Variants in NEURL1B observed in about 807,000 individuals in gnomAD.
NEURL1B encodes neuralized E3 ubiquitin protein ligase 1B, also known as E3 ubiquitin-protein ligase NEURL1B.
In NEURL1B, 13 loss-of-function variants were observed where a neutral mutation model predicts 37.4. The ratio of observed to expected loss-of-function variants is 0.35; its 90% CI spans 0.23 to 0.55. NEURL1B has a LOEUF of 0.55. Ranked by LOEUF, NEURL1B falls within the 20% of genes least tolerant of loss-of-function variation. The pLI is 0.89. For missense variants in NEURL1B, 790 were observed against 879.2 expected (o/e 0.90, Z 1.28); for synonymous variants, 432 against 426.6 (o/e 1.01, Z -0.16).
At chr5:172,679,422 C>T (rs773951162) in intron 2 of NEURL1B, among the ~76,000 whole-genome samples, 3 of 152,202 alleles carry the variant, frequency 2.0e-5, no homozygotes, top group African/African-American at 4.8e-5. Context: ...TTTCAGCCAC[C>T]GGTAGAAGCT....
chr5:172,666,158 T>C (rs1237306253), intron 1 of NEURL1B, among the ~76,000 whole-genome samples: 1 of 150,070 alleles, frequency 6.7e-6, no homozygotes, highest in Non-Finnish European at 1.5e-5. Flanking sequence ...GAGACTATGG[T>C]AAAATGGTAA....
intron 1 of NEURL1B, among the ~76,000 whole-genome samples, chr5:172,667,646 A>G (rs577033750): frequency 3.9e-5 from 6 of 152,088 alleles, no homozygotes; most frequent in African/African-American, 9.6e-5. Context: ...CCTACCCCCA[A>G]TAGGAGCCAT....
At chr5:172,684,236 G>GGCGCT (rs1758436294) in intron 3 of NEURL1B, 98 bp downstream of exon 3, 1 of 1,026,544 alleles carries the variant, frequency 9.7e-7, no homozygotes, top group Admixed American at 4.7e-5. Context: ...CCTCTCGCTA[G>GGCGCT]GCGCTGCACC....
intron 1 of NEURL1B, among the ~76,000 whole-genome samples, chr5:172,651,820 A>T (rs1053722922): frequency 6.6e-6 from 1 of 152,228 alleles, no homozygotes; most frequent in African/African-American, 2.4e-5. Flanking sequence ...GGTATTCCCC[A>T]TGGGACTCCA....
At chr5:172,659,512 CAA>C (rs1757856291) in intron 1 of NEURL1B, among the ~76,000 whole-genome samples, 2 of 152,192 alleles carry the variant, frequency 1.3e-5, no homozygotes, top group South Asian at 4.1e-4. Flanking sequence ...AAGAGACATT[CAA>C]AACCTGGACT....
rs893986735 is a variant in NEURL1B at position 172,686,448 on chromosome 5, G to A, written c.1423+152G>A. On this transcript the variant is annotated intron_variant, in intron 4 of 4. Transcript: ENST00000369800. This position sits in a 1 kb window ranked among gnomAD's most constrained non-coding sequence, Gnocchi z 7.9. ...GCTGTATGCTCAGCTGGAGGGAGGAGAAGTGTCTAGATAGGGCATTCCAAA... is the reference window on the plus strand; with the variant it reads ...GCTGTATGCTCAGCTGGAGGGAGGAAAAGTGTCTAGATAGGGCATTCCAAA... 2.6e-5 allele frequency among the ~76,000 whole-genome samples: 4 copies of A among 152,240 alleles called. No homozygotes were observed. The highest frequency in any genetic ancestry group is 5.9e-5 in the Non-Finnish European group (4 of 68,048).
Position 172,641,271 on chromosome 5 carries a change from A to C in NEURL1B, c.-136A>C. On this transcript the variant is annotated 5_prime_UTR_variant, in exon 1 of 5. Transcript: ENST00000369800. This position sits in a 1 kb window ranked among gnomAD's most constrained non-coding sequence, Gnocchi z 6.4. ...CCGCCTCCCTCCCGGCTCCCGCCCC[A>C]GCTGCCGCCCGCCGGCTCGCCCGTG... The C allele has an allele frequency of 1.3e-6, 1 of 747,144 alleles. No homozygotes were observed. Among genetic ancestry groups the C allele is most frequent in the Non-Finnish European group, 1.8e-6 (1 of 563,750 alleles). The allele number at this position is 747,144 out of a possible 1,614,324, so 46.3% of individuals were successfully genotyped here.
Position 172,669,941 on chromosome 5 carries a change from A to G in NEURL1B, c.188A>G (p.Asn63Ser). The change falls in exon 2 of 5, where the codon AAC (asparagine) becomes AGC (serine). Residue 63 changes from asparagine (N) to serine (S), a missense_variant. Physicochemically the swap from Asn to Ser is conservative, Grantham distance 46. Around this residue, in one of 3 missense-constraint regions of NEURL1B, gnomAD observed 215 missense variants for 309.2 expected, o/e 0.70. Transcript: ENST00000369800. ...DGHSRRATRR[N>S]SFCNGVTFTQ... ...CACTCGCGCCGGGCCACACGGCGCAACAGCTTCTGCAATGGCGTCACGTTC... is the reference window on the plus strand; with the variant it reads ...CACTCGCGCCGGGCCACACGGCGCAGCAGCTTCTGCAATGGCGTCACGTTC... The G allele has an allele frequency of 6.9e-7, 1 of 1,458,586 alleles. No homozygotes were observed. The highest frequency in any genetic ancestry group is 9.0e-7 in the Non-Finnish European group (1 of 1,110,732). The allele number at this position is 1,458,586 out of a possible 1,614,324, so 90.4% of individuals were successfully genotyped here. A position where few individuals can be genotyped will look rare whatever the true frequency, so the allele number is the denominator to read the frequency against.
chr5:172,658,660 G>T (rs1757838614), intron 1 of NEURL1B, among the ~76,000 whole-genome samples: 1 of 152,102 alleles, frequency 6.6e-6, no homozygotes, highest in Non-Finnish European at 1.5e-5. Flanking sequence ...AGCCAGGCTG[G>T]TATGAGTTCA....
rs551640529 is a variant in NEURL1B at position 172,685,893 on chromosome 5, C to T, written c.1298-278C>T. On this transcript the variant is annotated intron_variant, in intron 3 of 4. Transcript: ENST00000369800. ...CTATTGAGACCAGAGAGTGGAAGTTCCTGTTGGCCTGGCCCTTATCCTATG... is the reference window on the plus strand; with the variant it reads ...CTATTGAGACCAGAGAGTGGAAGTTTCTGTTGGCCTGGCCCTTATCCTATG... Among the ~76,000 whole-genome samples, 38 of 152,308 alleles carry T rather than the reference C, an allele frequency of 2.5e-4. No individual in the cohort carries two copies. The South Asian group carries it at 4.3e-3, about 17-fold the overall frequency.
At chr5:172,652,909 T>A (rs142456251) in intron 1 of NEURL1B, among the ~76,000 whole-genome samples, 8 of 152,346 alleles carry the variant, frequency 5.3e-5, no homozygotes, top group African/African-American at 1.7e-4. Context: ...CCCCTGGGAC[T>A]ATGGCCCACG....
chr5:172,668,458 G>A (rs890373977), intron 1 of NEURL1B, among the ~76,000 whole-genome samples: 1 of 152,086 alleles, frequency 6.6e-6, no homozygotes, highest in African/African-American at 2.4e-5. Flanking sequence ...CCAGGGCCTG[G>A]GAAGGGGAGC....
Position 172,683,962 on chromosome 5 carries a change from C to G in NEURL1B, c.1121C>G (p.Ala374Gly), listed in dbSNP as rs1467404055. 1 of 1,331,548 alleles carries G rather than the reference C, an allele frequency of 7.5e-7. No individual in the cohort carries two copies. Among genetic ancestry groups the G allele is most frequent in the African/African-American group, 1.5e-5 (1 of 64,670 alleles). The allele number at this position is 1,331,548 out of a possible 1,614,324, so 82.5% of individuals were successfully genotyped here. A position where few individuals can be genotyped will look rare whatever the true frequency, so the allele number is the denominator to read the frequency against. The change falls in exon 3 of 5, where the codon GCC becomes GGC. Residue 374 changes from alanine to glycine, a missense_variant. Physicochemically the swap from Ala to Gly is moderately conservative, Grantham distance 60 (BLOSUM62 0). Transcript: ENST00000369800. This position sits in a 1 kb window ranked among gnomAD's most constrained non-coding sequence, Gnocchi z 5.6. ...AAAGAGTACTGGGTGGTGGCGCGCG[C>G]CGGGCCCGTGCCGAGCGGCGGCGAC... Reference protein sequence around the residue: ...DRKEYWVVARAGPVPSGGDAL... With the variant: ...DRKEYWVVARGGPVPSGGDAL...
chr5:172,642,925 A>C (rs2113247358), intron 1 of NEURL1B, among the ~76,000 whole-genome samples: 1 of 152,352 alleles, frequency 6.6e-6, no homozygotes, highest in South Asian at 2.1e-4. Flanking sequence ...CTCGCCACAT[A>C]GACACTGGGA....
intron 2 of NEURL1B, among the ~76,000 whole-genome samples, chr5:172,681,700 T>C (rs1486355964): frequency 6.6e-6 from 1 of 152,224 alleles, no homozygotes; most frequent in Non-Finnish European, 1.5e-5. Context: ...AAGTGAAAGG[T>C]GTCTGAGGGG....
In NEURL1B at chr5:172,641,964, C is replaced by A. The variant is rs1217752132; in HGVS notation, c.31+527C>A. 6.6e-6 allele frequency among the ~76,000 whole-genome samples: 1 copy of A among 152,314 alleles called. No homozygotes were observed. ...TCCCACGCGCACCCCGGTTGCGCCC[C>A]CCTCTGGTGTCCGCTCCACTGGGGA... On this transcript the variant is annotated intron_variant, in intron 1 of 4. Coordinates refer to ENST00000369800, the MANE Select transcript of NEURL1B (RefSeq NM_001142651.3). This position sits in a 1 kb window ranked among gnomAD's most constrained non-coding sequence, Gnocchi z 6.4.
chr5:172,647,190 A>G lies in NEURL1B; in HGVS notation c.31+5753A>G, dbSNP rs1452919831. ...CTTTCTGTACTTATGGTGCTCTCTG[A>G]GGGCTTAAAATAGAAGCCCAGAGGC... On this transcript the variant is annotated intron_variant, in intron 1 of 4. Coordinates refer to ENST00000369800, the MANE Select transcript of NEURL1B (RefSeq NM_001142651.3). This position sits in a 1 kb window ranked among gnomAD's most constrained non-coding sequence, Gnocchi z 4.2. Among the ~76,000 whole-genome samples the G allele has an allele frequency of 6.6e-6, 1 of 152,100 alleles. No individual in the cohort carries two copies. Among genetic ancestry groups the G allele is most frequent in the Non-Finnish European group, 1.5e-5 (1 of 67,998 alleles).
chr5:172,676,894 A>G lies in NEURL1B; in HGVS notation c.578-6525A>G, dbSNP rs1284315402. Among the ~76,000 whole-genome samples, 2 of 152,232 alleles carry G rather than the reference A, an allele frequency of 1.3e-5. No homozygotes were observed. Among genetic ancestry groups the G allele is most frequent in the African/African-American group, 4.8e-5 (2 of 41,462 alleles). ...GTCCTAAAGTCAGAGTTTGTTCATT[A>G]TTGTTATAAACAAAGTGTGTGATAA... On this transcript the variant is annotated intron_variant, in intron 2 of 4. Coordinates refer to ENST00000369800, the MANE Select transcript of NEURL1B (RefSeq NM_001142651.3). This position sits in a 1 kb window ranked among gnomAD's most constrained non-coding sequence, Gnocchi z 4.5.
Position 172,669,994 on chromosome 5 carries a change from C to G in NEURL1B, c.241C>G (p.Gln81Glu). 1 of 1,476,588 alleles carries G rather than the reference C, an allele frequency of 6.8e-7. No individual in the cohort carries two copies. Among genetic ancestry groups the G allele is most frequent in the Non-Finnish European group, 8.9e-7 (1 of 1,119,490 alleles). 91.5% of individuals were successfully genotyped at this position (1,476,588 alleles called of 1,614,324 possible). A position where few individuals can be genotyped will look rare whatever the true frequency, so the allele number is the denominator to read the frequency against. Residue 81 changes from glutamine to glutamate, a missense_variant, in exon 2 of 5, where the codon CAG (glutamine) becomes GAG (glutamate). By Grantham distance (29) the Gln-to-Glu change is conservative. This residue lies in a region of NEURL1B where 215 missense variants were observed against 309.2 expected (regional missense o/e 0.70). Coordinates refer to ENST00000369800, the MANE Select transcript of NEURL1B (RefSeq NM_001142651.3). ...GCAGCGGCCCATCCGGCTGTACGAG[C>G]AGGTGCGGCTGCGCCTGGTGGCCGT... Reference protein sequence around the residue: ...FTQRPIRLYEQVRLRLVAVRP... With the variant: ...FTQRPIRLYEEVRLRLVAVRP...
Sources: allele counts gnomAD v4.1 joint callset (sites outside exome capture counted in the v4.1 genomes callset), GRCh38; gene constraint gnomAD v4.1.1; regional missense constraint gnomAD v4.1.1; non-coding constraint Gnocchi (gnomAD v3.1); transcripts MANE v1.5; gene names NCBI Gene and HGNC (gene_info 2026-07-23, HGNC 2026-07-21).